Variants in ADAMTS17 observed in about 807,000 individuals in gnomAD.
ADAMTS17 encodes the protein ADAM metallopeptidase with thrombospondin type 1 motif 17.
Under a neutral mutation model 141.5 loss-of-function variants are expected in ADAMTS17, and 113 were observed. The ratio of observed to expected loss-of-function variants is 0.80; its 90% CI spans 0.69 to 0.93. ADAMTS17 has a LOEUF of 0.93. ADAMTS17 is among the 40% of genes least tolerant of loss of function. The probability of loss-of-function intolerance (pLI) is 0.00; values close to 1 mark genes in which losing one functional copy is unlikely to be tolerated. For missense variants in ADAMTS17, 1,659 were observed against 1,517.9 expected (o/e 1.09, Z -1.54); for synonymous variants, 768 against 630.6 (o/e 1.22, Z -3.27).
chr15:100,340,790 C>T (rs1446678567), intron 2 of ADAMTS17, among the ~76,000 whole-genome samples: 1 of 152,202 alleles, frequency 6.6e-6, no homozygotes, highest in Non-Finnish European at 1.5e-5. Context: ...CCACGCAACC[C>T]CAGCTCCGCG....
intron 8 of ADAMTS17, among the ~76,000 whole-genome samples, chr15:100,186,812 C>T (rs955799016): frequency 6.6e-6 from 1 of 152,176 alleles, no homozygotes; most frequent in Non-Finnish European, 1.5e-5. Context: ...CTAGGATTGT[C>T]GCTTTTATTT....
At chr15:100,056,153 T>C in intron 15 of ADAMTS17, among the ~76,000 whole-genome samples, 1 of 152,244 alleles carries the variant, frequency 6.6e-6, no homozygotes, top group East Asian at 1.9e-4. Flanking sequence ...ATGCTTCTAG[T>C]GAGCTAATAA....
chr15:100,056,961 G>A (rs1422024240), intron 15 of ADAMTS17, among the ~76,000 whole-genome samples: 1 of 152,074 alleles, frequency 6.6e-6, no homozygotes, highest in Non-Finnish European at 1.5e-5. Context: ...AGATGGGGAA[G>A]GCTTCCTGGG....
At chr15:100,105,131 G>A (rs946308778) in intron 14 of ADAMTS17, among the ~76,000 whole-genome samples, 9 of 152,198 alleles carry the variant, frequency 5.9e-5, no homozygotes, top group African/African-American at 2.2e-4. Context: ...GGTAGGTGCT[G>A]TTGCCACCCA....
chr15:100,058,429 A>G (rs914691092), intron 15 of ADAMTS17, among the ~76,000 whole-genome samples: 1 of 150,316 alleles, frequency 6.7e-6, no homozygotes, highest in Non-Finnish European at 1.5e-5. Flanking sequence ...TTGTTTATGT[A>G]TTCCTCGGGC....
rs2061032031 is a variant in ADAMTS17 at position 100,006,116 on chromosome 15, C to T, written c.2592-8527G>A. On this transcript the variant is annotated intron_variant, in intron 18 of 21. Transcript: ENST00000268070. Reference sequence around the variant, plus strand: ...TTTACCTAATTACATCTGCCACGACCCTGTTTCCAAATAAGGTCACATTCT... The same window carrying T: ...TTTACCTAATTACATCTGCCACGACTCTGTTTCCAAATAAGGTCACATTCT... Among the ~76,000 whole-genome samples, 5 of 152,162 alleles carry T rather than the reference C, an allele frequency of 3.3e-5. No homozygotes were observed. In the South Asian group the frequency reaches 6.2e-4, roughly 19 times the overall value.
At chr15:100,020,456 A>G (rs2061384220) in intron 18 of ADAMTS17, among the ~76,000 whole-genome samples, 2 of 152,146 alleles carry the variant, frequency 1.3e-5, no homozygotes, top group Non-Finnish European at 1.5e-5. Context: ...ATGCAGCTTT[A>G]CGAGCAAGGG....
intron 7 of ADAMTS17, among the ~76,000 whole-genome samples, chr15:100,250,772 G>C (rs2141946498): frequency 6.6e-6 from 1 of 152,294 alleles, no homozygotes; most frequent in Admixed American, 6.5e-5. Flanking sequence ...TCCATTTCCT[G>C]GTTCTGAGAG....
chr15:100,139,287 T>C lies in ADAMTS17; in HGVS notation c.1474-5972A>G, dbSNP rs28480406. Among the ~76,000 whole-genome samples the C allele has an allele frequency of 3.3e-5, 5 of 152,336 alleles. No homozygotes were observed. The East Asian group carries it at 7.7e-4, about 23-fold the overall frequency. ...CAGTTTTATGTACATAAGCCTGAGATGAAATGATTTTCTAAGAATGTGTAA... is the reference window on the plus strand; with the variant it reads ...CAGTTTTATGTACATAAGCCTGAGACGAAATGATTTTCTAAGAATGTGTAA... On this transcript the variant is annotated intron_variant, in intron 10 of 21. Coordinates refer to ENST00000268070, the MANE Select transcript of ADAMTS17 (RefSeq NM_139057.4).
chr15:100,257,140 C>T (rs146946669), intron 6 of ADAMTS17: 36 of 152,304 alleles, frequency 2.4e-4, no homozygotes, highest in African/African-American at 8.7e-4. Flanking sequence ...TAGCTCAGGA[C>T]CTGGAAGCTG....
intron 11 of ADAMTS17, among the ~76,000 whole-genome samples, chr15:100,132,574 G>C (rs2038107964): frequency 6.6e-6 from 1 of 152,178 alleles, no homozygotes; most frequent in African/African-American, 2.4e-5. Context: ...TCCACGTGAG[G>C]GAACCTTGGT....
intron 8 of ADAMTS17, among the ~76,000 whole-genome samples, chr15:100,162,730 T>C (rs577668286): frequency 8.0e-5 from 11 of 136,980 alleles, no homozygotes; most frequent in Non-Finnish European, 1.7e-4. Flanking sequence ...TATATGTGTA[T>C]ATATATGCAC....
intron 8 of ADAMTS17, among the ~76,000 whole-genome samples, chr15:100,183,777 G>A (rs1430417702): frequency 6.6e-6 from 1 of 152,172 alleles, no homozygotes; most frequent in East Asian, 1.9e-4. Flanking sequence ...CACTGTTTAG[G>A]TTTGCCAGGT....
At chr15:100,323,143 T>C (rs999961939) in intron 3 of ADAMTS17, among the ~76,000 whole-genome samples, 1 of 148,672 alleles carries the variant, frequency 6.7e-6, no homozygotes, top group Non-Finnish European at 1.5e-5. Context: ...AAAAAAATTA[T>C]ATGAAAAAAT....
intron 17 of ADAMTS17, among the ~76,000 whole-genome samples, chr15:100,049,992 T>C (rs1345129478): frequency 6.6e-6 from 1 of 152,164 alleles, no homozygotes; most frequent in East Asian, 1.9e-4. Context: ...CAATAAAAGA[T>C]TAATAGGGAG....
rs747380850 is a variant in ADAMTS17 at position 100,020,876 on chromosome 15, TAC to T, written c.2592-23289_2592-23288del. 7.3e-4 allele frequency among the ~76,000 whole-genome samples: 111 copies of T among 152,300 alleles called. 1 individual carries two copies. Among genetic ancestry groups the T allele is most frequent in the Admixed American group, 3.9e-4 (6 of 15,302 alleles). On this transcript the variant is annotated intron_variant, in intron 18 of 21. Coordinates refer to ENST00000268070, the MANE Select transcript of ADAMTS17 (RefSeq NM_139057.4). ...CATGACGTGTCATAATCATCTTTAG[TAC>T]AGATGACAGCTTTGTCACTGGCAGC...
intron 14 of ADAMTS17, 87 bp from the exon 15 acceptor site, chr15:100,096,563 A>G: frequency 6.3e-7 from 1 of 1,581,118 alleles, no homozygotes; most frequent in Non-Finnish European, 8.7e-7. Context: ...CTTTTCCATG[A>G]GGTGCAGCAT....
At chr15:100,102,078 T>C (rs1012539489) in intron 14 of ADAMTS17, among the ~76,000 whole-genome samples, 8 of 152,240 alleles carry the variant, frequency 5.3e-5, no homozygotes, top group Admixed American at 2.0e-4. Flanking sequence ...AGTTCTTCTG[T>C]GTCTCAAAAT....
intron 2 of ADAMTS17, among the ~76,000 whole-genome samples, chr15:100,336,091 C>T (rs1432130466): frequency 6.6e-6 from 1 of 152,234 alleles, no homozygotes; most frequent in Admixed American, 6.5e-5. Context: ...CTTCATCGTC[C>T]CATCTTTTAC....
Sources: allele counts gnomAD v4.1 joint callset (sites outside exome capture counted in the v4.1 genomes callset), GRCh38; gene constraint gnomAD v4.1.1; transcripts MANE v1.5; gene names NCBI Gene and HGNC (gene_info 2026-07-23, HGNC 2026-07-21).